The following EPB41 variants were observed in gnomAD, a reference collection of about 807,000 sequenced individuals.
EPB41 encodes the protein erythrocyte membrane protein band 4.1.
A neutral mutation model predicts 108.0 loss-of-function variants in EPB41; 65 were observed. That is an observed-to-expected ratio of 0.60 (90% CI 0.49 to 0.74). EPB41 has a LOEUF of 0.74. EPB41 is among the 30% of genes least tolerant of loss of function. EPB41 has a pLI of 0.00. For missense variants in EPB41, 875 were observed against 1,037.0 expected, an observed-to-expected ratio of 0.84 and a Z score of 2.15; for synonymous variants, 336 against 358.9, an observed-to-expected ratio of 0.94 and a Z score of 0.72.
chr1:28,995,142 T>G (rs2096135921), intron 3 of EPB41, among the ~76,000 whole-genome samples: 1 of 152,048 alleles, frequency 6.6e-6, no homozygotes, highest in Non-Finnish European at 1.5e-5. Flanking sequence ...CTGCTTTTTC[T>G]GCTTCTTGCA....
At chr1:29,021,901 A>G (rs1378921469) in intron 7 of EPB41, among the ~76,000 whole-genome samples, 1 of 152,070 alleles carries the variant, frequency 6.6e-6, no homozygotes, top group Admixed American at 6.6e-5. Flanking sequence ...TCTATAAAAC[A>G]CCATGTTTTC....
At chr1:28,966,592 T>C (rs1279626340) in intron 1 of EPB41, among the ~76,000 whole-genome samples, 1 of 152,092 alleles carries the variant, frequency 6.6e-6, no homozygotes, top group Admixed American at 6.6e-5. Flanking sequence ...AGTAGTTAAG[T>C]GCTACAGAGA....
rs567796293 is a variant in EPB41 at position 29,079,152 on chromosome 1, C to T, written c.2184+13994C>T. 2.8e-4 allele frequency among the ~76,000 whole-genome samples: 42 copies of T among 151,954 alleles called. 1 individual carries two copies. Among genetic ancestry groups the T allele is most frequent in the East Asian group, 1.6e-3 (8 of 5,144 alleles). ...CTGGTATTACAGGCGCCTGCCACCA[C>T]GCTCAGCTAATTTTTTGTATTTTTA... On this transcript the variant is annotated intron_variant, in intron 16 of 20. Coordinates refer to ENST00000343067, the MANE Select transcript of EPB41 (RefSeq NM_001376013.1).
chr1:28,963,936 T>A (rs910809948), intron 1 of EPB41, among the ~76,000 whole-genome samples: 3 of 152,240 alleles, frequency 2.0e-5, no homozygotes, highest in African/African-American at 7.2e-5. Flanking sequence ...AAGCTGGTGC[T>A]ATAATCCACT....
rs371912413 is a variant in EPB41 at position 29,034,653 on chromosome 1, G to A, written c.1366-1173G>A. 5.7e-4 allele frequency among the ~76,000 whole-genome samples: 87 copies of A among 152,246 alleles called. 1 individual carries two copies. The South Asian group carries it at 0.018, about 31-fold the overall frequency. On this transcript the variant is annotated intron_variant, in intron 9 of 20. Coordinates refer to ENST00000343067, the MANE Select transcript of EPB41 (RefSeq NM_001376013.1). Reference sequence around the variant, plus strand: ...GAAATAAAGAGGCAAGAGGTCAGCAGGACAGTGTTTCTAGTAACCCTGGGA... The same window carrying A: ...GAAATAAAGAGGCAAGAGGTCAGCAAGACAGTGTTTCTAGTAACCCTGGGA...
intron 1 of EPB41, among the ~76,000 whole-genome samples, chr1:28,951,589 C>G (rs1392793315): frequency 6.6e-6 from 1 of 152,214 alleles, no homozygotes; most frequent in African/African-American, 2.4e-5. Flanking sequence ...CGTGGTGGCT[C>G]ATGCCTGTAA....
chr1:28,990,586 A>C (rs534291672), intron 2 of EPB41, among the ~76,000 whole-genome samples: 15 of 151,592 alleles, frequency 9.9e-5, no homozygotes, highest in Admixed American at 9.9e-4. Flanking sequence ...TGCCCAGCTA[A>C]TTTTTAAATT....
chr1:29,019,345 G>A (rs1376184990), intron 7 of EPB41, among the ~76,000 whole-genome samples: 1 of 152,122 alleles, frequency 6.6e-6, no homozygotes, highest in Non-Finnish European at 1.5e-5. Flanking sequence ...GCTGCCATGA[G>A]CTGAGATCAC....
intron 16 of EPB41, among the ~76,000 whole-genome samples, chr1:29,067,101 T>C (rs1319155928): frequency 1.3e-5 from 2 of 151,162 alleles, no homozygotes; most frequent in African/African-American, 4.9e-5. Flanking sequence ...ACACCTATAG[T>C]CCTAGCACTT....
At chr1:28,890,712 A>G (rs781566590) in intron 1 of EPB41, among the ~76,000 whole-genome samples, 1 of 152,140 alleles carries the variant, frequency 6.6e-6, no homozygotes, top group Non-Finnish European at 1.5e-5. Flanking sequence ...AATCCTTACA[A>G]TCTCATGAGG....
At position 28,942,049 on chromosome 1, in the gene EPB41, G is replaced by A. The variant is rs547636699; in HGVS notation, c.-8+27281G>A. 2.0e-5 allele frequency among the ~76,000 whole-genome samples: 3 copies of A among 152,036 alleles called. No homozygotes were observed. In the East Asian group the frequency reaches 5.8e-4, roughly 29 times the overall value. On this transcript the variant is annotated intron_variant, in intron 1 of 20. Transcript: ENST00000343067. ...TTAATGCTAATACTATAAATATTTT[G>A]ATGTTCCTTCTTTCTTTTCATAAAT...
chr1:29,030,345 T>G, intron 7 of EPB41, 55 bp from the exon 8 acceptor site: 2 of 1,307,832 alleles, frequency 1.5e-6, no homozygotes. Context: ...TAAATGTTAC[T>G]GTAAATGATG....
At chr1:29,070,561 G>A in intron 16 of EPB41, 1 of 1,232,072 alleles carries the variant, frequency 8.1e-7, no homozygotes, top group Non-Finnish European at 1.0e-6. Context: ...TTCCTTTCAT[G>A]ATGTCTTTTC....
intron 11 of EPB41, chr1:29,041,332 T>G (rs913279381): frequency 7.5e-6 from 1 of 133,984 alleles, no homozygotes; most frequent in Non-Finnish European, 1.6e-5. Context: ...GTACAAAAAT[T>G]AGCTGGGCTT....
At chr1:29,032,803 A>C (rs1047723960) in intron 8 of EPB41, among the ~76,000 whole-genome samples, 2 of 152,164 alleles carry the variant, frequency 1.3e-5, no homozygotes, top group African/African-American at 4.8e-5. Flanking sequence ...CAACTCCTAC[A>C]TTTAACATCA....
chr1:28,962,566 T>C (rs1369999366), intron 1 of EPB41, among the ~76,000 whole-genome samples: 1 of 152,196 alleles, frequency 6.6e-6, no homozygotes, highest in African/African-American at 2.4e-5. Context: ...CCATTAGCAG[T>C]CATTCCCCAT....
At chr1:29,039,187 T>C in intron 10 of EPB41, 67 bp from the exon 11 acceptor site, 4 of 1,507,730 alleles carry the variant, frequency 2.7e-6, no homozygotes, top group Non-Finnish European at 3.6e-6. Context: ...ATTTTGTTTT[T>C]AATTTTACAG....
intron 16 of EPB41, chr1:29,097,578 T>C (rs1663662788): frequency 5.3e-6 from 3 of 564,330 alleles, no homozygotes; most frequent in Non-Finnish European, 9.6e-6. Flanking sequence ...TCCATTAAGC[T>C]TATGAAAGTG....
intron 4 of EPB41, among the ~76,000 whole-genome samples, chr1:29,002,926 T>C (rs2096327361): frequency 1.3e-5 from 2 of 152,212 alleles, no homozygotes. Flanking sequence ...CTGACTCAGG[T>C]AGACTGGAAT....
Sources: gnomAD v4.1 joint callset for allele counts (sites outside exome capture counted in the v4.1 genomes callset) on GRCh38, gnomAD v4.1.1 for gene constraint, MANE v1.5 for transcripts, NCBI Gene and HGNC (gene_info 2026-07-23, HGNC 2026-07-21) for gene names.